GCNT3: variants seen among roughly 807,000 people sequenced by gnomAD.
GCNT3 encodes beta-1,3-galactosyl-O-glycosyl-glycoprotein beta-1,6-N-acetylglucosaminyltransferase 3.
For missense variants in GCNT3, 708 were observed against 530.3 expected, an observed-to-expected ratio of 1.34 and a Z score of -3.29; for synonymous variants, 269 against 195.2, an observed-to-expected ratio of 1.38 and a Z score of -3.15.
intron 2 of GCNT3, 67 bp from the exon 3 acceptor site, chr15:59,618,112 T>G: frequency 1.6e-6 from 1 of 622,694 alleles, no homozygotes; most frequent in African/African-American, 1.8e-5. Context: ...TGCCATCAGT[T>G]TGGAATTGAA....
In GCNT3 at chr15:59,619,558, C is replaced by T. The variant is rs148598436; in HGVS notation, c.*3C>T. 1.3e-6 allele frequency: 2 copies of T among 1,542,138 alleles called. No individual in the cohort carries two copies. Among genetic ancestry groups the T allele is most frequent in the East Asian group, 2.3e-5 (1 of 44,378 alleles). On this transcript the variant is annotated 3_prime_UTR_variant, in exon 3 of 3. Transcript: ENST00000396065. ...CCATCTATGGGACTGAACTTTGAGA[C>T]ACACTATGAGAGCGTTGCTACCTGT...
intron 1 of GCNT3, chr15:59,614,948 A>G (rs530548833): frequency 6.6e-6 from 1 of 152,268 alleles, no homozygotes; most frequent in Admixed American, 6.5e-5. Context: ...AAATACCTAA[A>G]TTCTCTGCGC....
rs1204246886 is a variant in GCNT3, at chr15:59,621,298, T to C, written c.*1743T>C. On this transcript the variant is annotated 3_prime_UTR_variant, in exon 3 of 3. Coordinates refer to ENST00000396065, the MANE Select transcript of GCNT3 (RefSeq NM_004751.3). ...ACAATAAGGTATGTGTAAATACATATATGTGTGTGTATGTATACACACATA... is the reference window on the plus strand; with the variant it reads ...ACAATAAGGTATGTGTAAATACATACATGTGTGTGTATGTATACACACATA... 6.6e-6 allele frequency: 1 copy of C among 152,082 alleles called. No homozygotes were observed. The highest frequency in any genetic ancestry group is 2.4e-5 in the African/African-American group (1 of 41,406). 9.4% of individuals were successfully genotyped at this position (152,082 alleles called of 1,614,324 possible).
chr15:59,614,496 T>C (rs1160294657), intron 1 of GCNT3, among the ~76,000 whole-genome samples: 1 of 152,218 alleles, frequency 6.6e-6, no homozygotes, highest in African/African-American at 2.4e-5. Flanking sequence ...TTAATGGTTA[T>C]TTCTTGATGA....
chr15:59,614,668 G>T (rs530698466), intron 1 of GCNT3, among the ~76,000 whole-genome samples: 1 of 152,294 alleles, frequency 6.6e-6, no homozygotes, highest in African/African-American at 2.4e-5. Flanking sequence ...GTTTTGGTGG[G>T]TTTTAGCTGG....
rs1422603387 is a variant in GCNT3, at chr15:59,618,963, C to T, written c.725C>T (p.Ala242Val). ...PIKSNAEMVQ[A>V]LKMLNGRNSM... The stretch of plus-strand genomic sequence containing the variant: ...AAGAGCAATGCAGAGATGGTCCAGG[C>T]TCTCAAGATGTTGAATGGGAGGAAT... The change falls in exon 3 of 3, where the codon GCT becomes GTT. Residue 242 changes from alanine to valine, a missense_variant. By Grantham distance (64) the Ala-to-Val change is moderately conservative. Transcript: ENST00000396065. 6.2e-7 allele frequency: 1 copy of T among 1,614,034 alleles called. No homozygotes were observed. The highest frequency in any genetic ancestry group is 2.2e-5 in the East Asian group (1 of 44,882).
intron 1 of GCNT3, chr15:59,615,192 A>G (rs768090280): frequency 7.2e-5 from 11 of 152,274 alleles, no homozygotes; most frequent in Admixed American, 2.0e-4. Flanking sequence ...TTTGCTTCCT[A>G]TCTGCTTCCT....
In GCNT3 at chr15:59,620,175, A is replaced by T. The variant is rs575583115; in HGVS notation, c.*620A>T. On this transcript the variant is annotated 3_prime_UTR_variant, in exon 3 of 3. Transcript: ENST00000396065. ...GTCCTGACAAGCTGCATGAATAGCA[A>T]TTTTTTTTTTGAGACAGAGTCTTGC... The T allele has an allele frequency of 6.1e-6, 1 of 163,840 alleles. No homozygotes were observed. 10.1% of individuals were successfully genotyped at this position (163,840 alleles called of 1,614,324 possible).
Position 59,618,376 on chromosome 15 carries a change from A to C in GCNT3, c.138A>C (p.Glu46Asp). Reference sequence around the variant, plus strand: ...ACCACTTGGGTCTGGAGTCCAGGGAATCTCAAAGCCAGTACTGTAGGAATA... The same window carrying C: ...ACCACTTGGGTCTGGAGTCCAGGGACTCTCAAAGCCAGTACTGTAGGAATA... The part of the protein sequence containing the change: ...DSDHLGLESR[E>D]SQSQYCRNIL... Residue 46 changes from glutamate to aspartate, a missense_variant, in exon 3 of 3, where the codon GAA becomes GAC. Physicochemically the swap from Glu to Asp is conservative, Grantham distance 45. Coordinates refer to ENST00000396065, the MANE Select transcript of GCNT3 (RefSeq NM_004751.3). The C allele has an allele frequency of 6.2e-7, 1 of 1,613,542 alleles. No homozygotes were observed. Among genetic ancestry groups the C allele is most frequent in the African/African-American group, 1.3e-5 (1 of 75,038 alleles).
Position 59,611,792 on chromosome 15 carries a change from C to G in GCNT3, c.-440C>G, listed in dbSNP as rs1235286737. The G allele has an allele frequency of 2.0e-5, 3 of 152,172 alleles. No individual in the cohort carries two copies. Among genetic ancestry groups the G allele is most frequent in the Admixed American group, 6.6e-5 (1 of 15,260 alleles). The allele number at this position is 152,172 out of a possible 1,614,324, so 9.4% of individuals were successfully genotyped here. A position where few individuals can be genotyped will look rare whatever the true frequency, so the allele number is the denominator to read the frequency against. ...CTCGCATTACTTCTCTGAGTCAGAG[C>G]CTCTTCTCTCTAAGTCACGGGAACT... On this transcript the variant is annotated 5_prime_UTR_variant, in exon 1 of 3. Transcript: ENST00000396065.
Position 59,619,318 on chromosome 15 carries a change from T to C in GCNT3, c.1080T>C (p.Ile360=), listed in dbSNP as rs376799594. The change falls in exon 3 of 3, where the codon ATT becomes ATC. Residue 360 remains isoleucine, a synonymous_variant. Transcript: ENST00000396065. The part of the protein sequence containing the change: ...PKYDISDMTS[I]ARLVKWQGHE... ...ACGACATCTCAGACATGACTTCTATTGCCAGGCTGGTCAAGTGGCAGGGTC... is the reference window on the plus strand; with the variant it reads ...ACGACATCTCAGACATGACTTCTATCGCCAGGCTGGTCAAGTGGCAGGGTC... 7 of 1,614,134 alleles carry C rather than the reference T, an allele frequency of 4.3e-6. No individual in the cohort carries two copies. In the African/African-American group the frequency reaches 9.3e-5, roughly 22 times the overall value.
At chr15:59,613,651 A>T (rs1221628798) in intron 1 of GCNT3, among the ~76,000 whole-genome samples, 1 of 152,174 alleles carries the variant, frequency 6.6e-6, no homozygotes, top group Non-Finnish European at 1.5e-5. Context: ...GCTTGAGCCC[A>T]GGAGGCAGAG....
chr15:59,613,935 T>G (rs1241343427), intron 1 of GCNT3, among the ~76,000 whole-genome samples: 1 of 152,118 alleles, frequency 6.6e-6, no homozygotes, highest in Non-Finnish European at 1.5e-5. Context: ...AAGGATGGCT[T>G]GAACCCAGGA....
At position 59,619,915 on chromosome 15, in the gene GCNT3, A is replaced by G. The variant is rs2141940571; in HGVS notation, c.*360A>G. The G allele has an allele frequency of 5.0e-6, 1 of 199,076 alleles. No individual in the cohort carries two copies. The highest frequency in any genetic ancestry group is 1.4e-4 in the East Asian group (1 of 7,400). 12.3% of individuals were successfully genotyped at this position (199,076 alleles called of 1,614,324 possible). Reference sequence around the variant, plus strand: ...TTCTGTGGAGCTGCCGTTCCTAATAATTCCAGGTTTGGTAGCGTGGAGGAG... The same window carrying G: ...TTCTGTGGAGCTGCCGTTCCTAATAGTTCCAGGTTTGGTAGCGTGGAGGAG... On this transcript the variant is annotated 3_prime_UTR_variant, in exon 3 of 3. Transcript: ENST00000396065.
rs944374948 is a variant in GCNT3, at chr15:59,622,296, G to A, written c.*2741G>A. ...CCACTGCACTCCAGCCTGGGCGATA[G>A]AGCCAGACTGAGTCTCAAAAAAAAA... On this transcript the variant is annotated 3_prime_UTR_variant, in exon 3 of 3. Coordinates refer to ENST00000396065, the MANE Select transcript of GCNT3 (RefSeq NM_004751.3). The A allele has an allele frequency of 2.2e-5, 3 of 139,470 alleles. No individual in the cohort carries two copies. In the Admixed American group the frequency reaches 2.2e-4, roughly 10 times the overall value. 8.6% of individuals were successfully genotyped at this position (139,470 alleles called of 1,614,324 possible).
intron 1 of GCNT3, among the ~76,000 whole-genome samples, chr15:59,613,166 A>G (rs1380545852): frequency 6.6e-6 from 1 of 152,066 alleles, no homozygotes; most frequent in Non-Finnish European, 1.5e-5. Flanking sequence ...AGCTTCTATT[A>G]TGCAAAAGAA....
chr15:59,618,751 T>C lies in GCNT3; in HGVS notation c.513T>C (p.Thr171=). The change falls in exon 3 of 3, where the codon ACT becomes ACC. Residue 171 remains threonine (T), a synonymous_variant. Transcript: ENST00000396065. The part of the protein sequence containing the change: ...CVHVDEKSPE[T]FKEAVKAIIS... ...ATGTGGATGAGAAGTCCCCAGAAAC[T>C]TTCAAAGAGGCGGTCAAAGCAATTA... 3 of 1,614,156 alleles carry C rather than the reference T, an allele frequency of 1.9e-6. No homozygotes were observed. The highest frequency in any genetic ancestry group is 2.2e-5 in the South Asian group (2 of 91,080).
At position 59,618,522 on chromosome 15, in the gene GCNT3, G is replaced by A. The variant is rs756478998; in HGVS notation, c.284G>A (p.Arg95Gln). The A allele has an allele frequency of 6.8e-6, 11 of 1,614,042 alleles. No homozygotes were observed. Among genetic ancestry groups the A allele is most frequent in the African/African-American group, 6.7e-5 (5 of 74,924 alleles). The change falls in exon 3 of 3, where the codon CGA (arginine) becomes CAA (glutamine). Residue 95 changes from arginine (R) to glutamine (Q), a missense_variant. Coordinates refer to ENST00000396065, the MANE Select transcript of GCNT3 (RefSeq NM_004751.3). ...AATAACCTGGAGGTCAAGAAGAAGC[G>A]AGAGCCTTTCACAGACACCCACTAC... ...ILNNLEVKKK[R>Q]EPFTDTHYLS...
intron 1 of GCNT3, among the ~76,000 whole-genome samples, chr15:59,612,737 C>G (rs543169920): frequency 6.6e-6 from 1 of 152,252 alleles, no homozygotes; most frequent in Non-Finnish European, 1.5e-5. Flanking sequence ...CTTGCCTGAT[C>G]TCTGCAGGTT....
Sources: gnomAD v4.1 joint callset for allele counts (sites outside exome capture counted in the v4.1 genomes callset) on GRCh38, gnomAD v4.1.1 for gene constraint, MANE v1.5 for transcripts, NCBI Gene and HGNC (gene_info 2026-07-23, HGNC 2026-07-21) for gene names.